The following CACNA1E variants were observed in gnomAD, a reference collection of about 807,000 sequenced individuals.
The protein encoded by CACNA1E is voltage-dependent R-type calcium channel subunit alpha-1E.
A neutral mutation model predicts 259.2 loss-of-function variants in CACNA1E; 40 were observed. The observed-to-expected ratio is 0.15, with a 90% CI of 0.12 to 0.20. The LOEUF is 0.20. CACNA1E is among the 10% of genes least tolerant of loss of function. The pLI, the probability that CACNA1E is intolerant of heterozygous loss-of-function variation, is 1.00. For synonymous variants in CACNA1E, 1,104 were observed against 1,138.5 expected (o/e 0.97, Z 0.61); for missense variants, 1,874 against 3,040.1 (o/e 0.62, Z 9.02).
chr1:181,414,782 G>T (rs372779336), intron 2 of CACNA1E, among the ~76,000 whole-genome samples: 1 of 152,226 alleles, frequency 6.6e-6, no homozygotes, highest in Admixed American at 6.5e-5. Context: ...GATAACAACC[G>T]CATTGTTACT....
intron 7 of CACNA1E, among the ~76,000 whole-genome samples, chr1:181,669,959 A>G (rs980182756): frequency 2.0e-5 from 3 of 152,160 alleles, no homozygotes; most frequent in Non-Finnish European, 2.9e-5. Flanking sequence ...GGCCTTTTGA[A>G]TGGTTTTCCC....
At position 181,635,529 on chromosome 1, in the gene CACNA1E, G is replaced by A. The variant is rs1287560956; in HGVS notation, c.952-15809G>A. ...ATGATACATCAATGTAGCAGCTAAA[G>A]CTACTCATGGTAGACTTCTTATTTA... On this transcript the variant is annotated intron_variant, in intron 6 of 47. Coordinates refer to ENST00000367573, the MANE Select transcript of CACNA1E (RefSeq NM_001205293.3). Among the ~76,000 whole-genome samples the A allele has an allele frequency of 2.6e-5, 4 of 152,190 alleles. No individual in the cohort carries two copies. The East Asian group carries it at 7.7e-4, about 29-fold the overall frequency.
chr1:181,362,814 G>A (rs977596688), intron 1 of CACNA1E, among the ~76,000 whole-genome samples: 3 of 152,130 alleles, frequency 2.0e-5, no homozygotes, highest in Admixed American at 6.5e-5. Flanking sequence ...GGAGATGGGA[G>A]AAATGAAAAC....
intron 2 of CACNA1E, among the ~76,000 whole-genome samples, chr1:181,473,122 T>C (rs1188168377): frequency 6.6e-6 from 1 of 152,200 alleles, no homozygotes. Flanking sequence ...CACCGCATAG[T>C]ATTTGTATCG....
intron 6 of CACNA1E, among the ~76,000 whole-genome samples, chr1:181,631,494 C>T (rs12088974): frequency 0.19 from 29,101 of 152,114 alleles, 3,121 homozygotes; most frequent in South Asian, 0.35. Context: ...CCCCCAGCAT[C>T]GTGCTCTGAG....
chr1:181,435,081 C>G (rs939127656), intron 2 of CACNA1E, among the ~76,000 whole-genome samples: 1 of 152,164 alleles, frequency 6.6e-6, no homozygotes, highest in African/African-American at 2.4e-5. Flanking sequence ...CTAAACCCTT[C>G]CTAAAGTCAA....
intron 2 of CACNA1E, among the ~76,000 whole-genome samples, chr1:181,478,258 T>C (rs143617467): frequency 1.3e-3 from 196 of 152,354 alleles, no homozygotes; most frequent in African/African-American, 4.5e-3. Flanking sequence ...AAACCAACTT[T>C]GCTGACCTGT....
At chr1:181,348,248 G>A (rs1353585088) in intron 1 of CACNA1E, among the ~76,000 whole-genome samples, 4 of 152,042 alleles carry the variant, frequency 2.6e-5, no homozygotes, top group East Asian at 1.9e-4. Context: ...ATGTGGGCAC[G>A]CTTTGTCATG....
intron 3 of CACNA1E, among the ~76,000 whole-genome samples, chr1:181,544,147 C>G (rs1038896521): frequency 2.6e-5 from 4 of 152,162 alleles, no homozygotes; most frequent in African/African-American, 9.7e-5. Flanking sequence ...CAACAAAGTA[C>G]TGATACTTGC....
chr1:181,635,388 C>A (rs1029877729), intron 6 of CACNA1E, among the ~76,000 whole-genome samples: 1 of 152,146 alleles, frequency 6.6e-6, no homozygotes, highest in Non-Finnish European at 1.5e-5. Context: ...ACCCACTCCT[C>A]TTCTCCTCCC....
intron 1 of CACNA1E, among the ~76,000 whole-genome samples, chr1:181,390,512 C>T (rs1656184037): frequency 1.3e-5 from 2 of 152,034 alleles, no homozygotes; most frequent in Non-Finnish European, 1.5e-5. Context: ...GAATTCTGGG[C>T]ATGGAGGTCA....
In CACNA1E at chr1:181,326,826, A is replaced by T. The variant is rs1256286312; in HGVS notation, c.-15+8703A>T. Among the ~76,000 whole-genome samples, 3 of 152,056 alleles carry T rather than the reference A, an allele frequency of 2.0e-5. No homozygotes were observed. The East Asian group carries it at 5.8e-4, about 29-fold the overall frequency. ...CCTCTCACATGGCCTCTTTCAGCAA[A>T]TGGTACCGCCCTCCGTCCTGTTGCC... is the stretch of plus-strand genomic sequence containing the variant. On this transcript the variant is annotated intron_variant, in intron 1 of 11. Coordinates refer to the CACNA1E transcript ENST00000524607.
chr1:181,477,876 C>G lies in CACNA1E; in HGVS notation c.435-5868C>G, dbSNP rs551990051. ...TAAACTAACTTAATTTTCACAACAG[C>G]CCAGTGGAGCAGAATGGTATTATTC... On this transcript the variant is annotated intron_variant, in intron 2 of 11. Transcript: ENST00000524607. Among the ~76,000 whole-genome samples the G allele has an allele frequency of 8.5e-5, 13 of 152,344 alleles. No homozygotes were observed. The South Asian group carries it at 2.7e-3, about 32-fold the overall frequency.
intron 38 of CACNA1E, among the ~76,000 whole-genome samples, chr1:181,778,757 C>T (rs910933316): frequency 2.0e-5 from 3 of 152,158 alleles, no homozygotes; most frequent in Middle Eastern, 3.2e-3. Flanking sequence ...AAGAGGGCTG[C>T]GGGGAGAGTG....
At position 181,750,492 on chromosome 1, in the gene CACNA1E, A is replaced by C; in HGVS notation, c.3731+5A>C. 1 of 1,612,670 alleles carries C rather than the reference A, an allele frequency of 6.2e-7. No homozygotes were observed. Among genetic ancestry groups the C allele is most frequent in the Non-Finnish European group, 8.5e-7 (1 of 1,178,854 alleles). On this transcript the variant is annotated splice_donor_5th_base_variant and intron_variant, in intron 26 of 47. Coordinates refer to ENST00000367573, the MANE Select transcript of CACNA1E (RefSeq NM_001205293.3). ...CCTCCATAGGAACGCTTTGGGGTAA[A>C]TATGTTCGATTATCTTTGAAGTAAA... is the stretch of plus-strand genomic sequence containing the variant.
intron 7 of CACNA1E, among the ~76,000 whole-genome samples, chr1:181,675,796 G>A (rs372145446): frequency 1.3e-5 from 2 of 152,206 alleles, no homozygotes; most frequent in Non-Finnish European, 2.9e-5. Flanking sequence ...CGGGATTGCC[G>A]TCAGGGGTTG....
chr1:181,452,863 C>T (rs532146762), intron 2 of CACNA1E, among the ~76,000 whole-genome samples: 24 of 152,338 alleles, frequency 1.6e-4, no homozygotes, highest in Admixed American at 3.3e-4. Context: ...CAATCTGTTT[C>T]GTTTCTGCCC....
chr1:181,477,709 T>C (rs541333644), intron 2 of CACNA1E, among the ~76,000 whole-genome samples: 1 of 152,342 alleles, frequency 6.6e-6, no homozygotes, highest in East Asian at 1.9e-4. Context: ...GAAGTTGGCT[T>C]TCAGAAACAG....
At chr1:181,439,201 G>C (rs894448490) in intron 2 of CACNA1E, among the ~76,000 whole-genome samples, 1 of 152,116 alleles carries the variant, frequency 6.6e-6, no homozygotes, top group African/African-American at 2.4e-5. Flanking sequence ...GTTGAAGGGG[G>C]AAAAAGCCCT....
Sources: allele counts gnomAD v4.1 joint callset (sites outside exome capture counted in the v4.1 genomes callset), GRCh38; gene constraint gnomAD v4.1.1; transcripts MANE v1.5; gene names NCBI Gene and HGNC (gene_info 2026-07-23, HGNC 2026-07-21).